Variants in ALG14 observed in about 807,000 individuals in gnomAD.
The protein encoded by ALG14 is ALG14 UDP-N-acetylglucosaminyltransferase subunit, also known as UDP-N-acetylglucosamine transferase subunit ALG14.
ALG14 carries 17 observed loss-of-function variants against 22.8 expected under a neutral mutation model. The ratio of observed to expected loss-of-function variants is 0.75; its 90% CI spans 0.51 to 1.12. ALG14 has a LOEUF of 1.12. ALG14 is among the 50% of genes most tolerant of loss of function. The pLI is 0.00. For synonymous variants in ALG14, 89 were observed against 103.7 expected (o/e 0.86, Z 0.86); for missense variants, 288 against 271.8 (o/e 1.06, Z -0.42).
At chr1:95,048,141 T>C (rs982985035) in intron 2 of ALG14, among the ~76,000 whole-genome samples, 2 of 152,202 alleles carry the variant, frequency 1.3e-5, no homozygotes, top group African/African-American at 4.8e-5. Flanking sequence ...GAATCAGCAC[T>C]CATTTTGTAT....
intron 2 of ALG14, among the ~76,000 whole-genome samples, chr1:95,062,343 T>C (rs1354903094): frequency 6.6e-6 from 1 of 152,214 alleles, no homozygotes; most frequent in Non-Finnish European, 1.5e-5. Flanking sequence ...TGCAGGTTTA[T>C]TACACAGGTA....
At chr1:94,999,343 ATTTTTTTTTTT>A (rs548389921) in intron 3 of ALG14, among the ~76,000 whole-genome samples, 7 of 108,776 alleles carry the variant, frequency 6.4e-5, no homozygotes, top group Non-Finnish European at 3.7e-5. Context: ...CAGTAGACCC[ATTTTTTTTTTT>A]TTTTTTTTTT....
intron 3 of ALG14, among the ~76,000 whole-genome samples, chr1:94,997,049 C>G (rs2100729044): frequency 6.6e-6 from 1 of 152,158 alleles, no homozygotes; most frequent in South Asian, 2.1e-4. Context: ...AGGAAGACAC[C>G]CAAAAGTGGA....
chr1:95,043,756 A>G (rs1674456824), intron 2 of ALG14, among the ~76,000 whole-genome samples: 1 of 151,924 alleles, frequency 6.6e-6, no homozygotes, highest in Admixed American at 6.6e-5. Flanking sequence ...AAAGAAGTAG[A>G]AGGAAAGGAG....
At chr1:95,030,083 A>T (rs1407676645) in intron 2 of ALG14, among the ~76,000 whole-genome samples, 5 of 152,196 alleles carry the variant, frequency 3.3e-5, no homozygotes, top group Non-Finnish European at 5.9e-5. Context: ...GTAGAGTCAA[A>T]ATCCCTTCTC....
At chr1:95,044,009 G>C (rs1288958032) in intron 2 of ALG14, among the ~76,000 whole-genome samples, 2 of 152,156 alleles carry the variant, frequency 1.3e-5, no homozygotes, top group East Asian at 1.9e-4. Context: ...ACACTTTAAA[G>C]ACCCTTGGAG....
intron 3 of ALG14, among the ~76,000 whole-genome samples, chr1:94,985,424 A>G (rs1227043707): frequency 6.6e-6 from 1 of 152,216 alleles, no homozygotes; most frequent in Admixed American, 6.5e-5. Flanking sequence ...AATGACTCCA[A>G]TCACTGCCAA....
intron 2 of ALG14, among the ~76,000 whole-genome samples, chr1:95,044,522 C>T (rs913016771): frequency 2.0e-5 from 3 of 152,124 alleles, no homozygotes; most frequent in Non-Finnish European, 2.9e-5. Context: ...CAGGAATATT[C>T]CTCTCTATGG....
chr1:95,062,740 A>G (rs905224304), intron 2 of ALG14, among the ~76,000 whole-genome samples: 1 of 152,184 alleles, frequency 6.6e-6, no homozygotes, highest in Non-Finnish European at 1.5e-5. Context: ...TGCTATTGTG[A>G]ATAGTGCTGC....
At chr1:95,042,264 T>C (rs532255057) in intron 2 of ALG14, among the ~76,000 whole-genome samples, 2 of 152,004 alleles carry the variant, frequency 1.3e-5, no homozygotes, top group East Asian at 1.9e-4. Flanking sequence ...TCCTCTGCAT[T>C]CAAAGCACTC....
At chr1:95,018,356 T>C (rs1365046631) in intron 3 of ALG14, among the ~76,000 whole-genome samples, 1 of 151,752 alleles carries the variant, frequency 6.6e-6, no homozygotes, top group Non-Finnish European at 1.5e-5. Flanking sequence ...GCCAACATGG[T>C]GAAACCCCGC....
chr1:95,015,525 A>C (rs1673474815), intron 3 of ALG14, among the ~76,000 whole-genome samples: 1 of 152,222 alleles, frequency 6.6e-6, no homozygotes, highest in African/African-American at 2.4e-5. Context: ...GCAAGACAAA[A>C]AGCCTCAGAA....
intron 3 of ALG14, among the ~76,000 whole-genome samples, chr1:94,991,852 TC>T (rs1414399873): frequency 2.4e-5 from 2 of 84,600 alleles, no homozygotes; most frequent in African/African-American, 1.5e-4. Context: ...ATTTTTTATA[TC>T]TTTTTTTTTA....
At chr1:95,050,071 C>T (rs953633431) in intron 2 of ALG14, among the ~76,000 whole-genome samples, 1 of 152,118 alleles carries the variant, frequency 6.6e-6, no homozygotes, top group Non-Finnish European at 1.5e-5. Flanking sequence ...TTTGGAGGAG[C>T]AAGCCTGTGT....
chr1:95,036,321 T>C (rs1273198513), intron 2 of ALG14, among the ~76,000 whole-genome samples: 2 of 152,112 alleles, frequency 1.3e-5, no homozygotes, highest in Non-Finnish European at 2.9e-5. Context: ...TGGGCACTTA[T>C]TCTCCCTCCT....
rs753730661 is a variant in ALG14 at position 95,064,920 on chromosome 1, G to T, written c.234C>A (p.Ala78=). 4 of 1,613,774 alleles carry T rather than the reference G, an allele frequency of 2.5e-6. No homozygotes were observed. Among genetic ancestry groups the T allele is most frequent in the Non-Finnish European group, 2.5e-6 (3 of 1,179,806 alleles). Residue 78 remains alanine (A), a synonymous_variant, in exon 2 of 4, where the codon GCC becomes GCA. Transcript: ENST00000370205. ...YVIADTDEMS[A]NKINSFELDR... ...CTAGTTCAAAAGAATTTATTTTATT[G>T]GCACTCATTTCATCAGTGTCAGCAA...
chr1:94,994,080 T>A (rs1439928060), intron 3 of ALG14, among the ~76,000 whole-genome samples: 1 of 152,236 alleles, frequency 6.6e-6, no homozygotes, highest in Non-Finnish European at 1.5e-5. Flanking sequence ...TTGGTTGGAA[T>A]GGTCAGGCCA....
chr1:95,043,083 A>T (rs1314701572), intron 2 of ALG14, among the ~76,000 whole-genome samples: 1 of 152,178 alleles, frequency 6.6e-6, no homozygotes, highest in African/African-American at 2.4e-5. Context: ...TTTAAAAAAT[A>T]GGTCTCATTC....
chr1:95,058,639 T>TACTTTCA, intron 2 of ALG14, among the ~76,000 whole-genome samples: 1 of 133,528 alleles, frequency 7.5e-6, no homozygotes, highest in Admixed American at 7.5e-5. Context: ...AAAAAAAAGA[T>TACTTTCA]ACTTTCAGAG....
Sources: gnomAD v4.1 joint callset for allele counts (sites outside exome capture counted in the v4.1 genomes callset) on GRCh38, gnomAD v4.1.1 for gene constraint, MANE v1.5 for transcripts, NCBI Gene and HGNC (gene_info 2026-07-23, HGNC 2026-07-21) for gene names.